Variants in ICE2 observed in about 807,000 individuals in gnomAD.
The protein encoded by ICE2 is little elongation complex subunit 2.
ICE2 carries 87 observed loss-of-function variants against 105.4 expected under a neutral mutation model. The ratio of observed to expected loss-of-function variants is 0.83; its 90% CI spans 0.69 to 0.99. ICE2 has a LOEUF of 0.99. Among genes scored for constraint, ICE2 ranks in the 50% least tolerant of loss-of-function variants. ICE2 has a pLI of 0.00. For synonymous variants in ICE2, 399 were observed against 392.0 expected, an observed-to-expected ratio of 1.02 and a Z score of -0.21; for missense variants, 1,323 against 1,146.7, an observed-to-expected ratio of 1.15 and a Z score of -2.22.
intron 5 of ICE2, among the ~76,000 whole-genome samples, chr15:60,466,100 T>C (rs2064420152): frequency 6.6e-6 from 1 of 152,108 alleles, no homozygotes; most frequent in Non-Finnish European, 1.5e-5. Flanking sequence ...TGAATGATGG[T>C]AGGGTACAAG....
In ICE2 at chr15:60,466,601, AAG is replaced by A. The variant is rs1356098442; in HGVS notation, c.519_520del (p.Phe174HisfsTer10). 1 of 1,610,604 alleles carries A rather than the reference AAG, an allele frequency of 6.2e-7. No individual in the cohort carries two copies. Among genetic ancestry groups the A allele is most frequent in the Admixed American group, 1.7e-5 (1 of 59,534 alleles). On this transcript the variant is annotated frameshift_variant, in exon 5 of 16. Coordinates refer to ENST00000261520, the MANE Select transcript of ICE2 (RefSeq NM_024611.6). LOFTEE classifies it high-confidence loss of function. ...TGTGAGTTGTTTTTTTACCTCTGTG[AAG>A]AGACGGGCATCATCAGAAAGCATAT...
rs2063324689 is a variant in ICE2, at chr15:60,425,627, A to T, written c.2821-1865T>A. Reference sequence around the variant, plus strand: ...ATCTCTCAGGGTTAGTACCAAAGGCACTATACAAGGATGAGATCAGAGTTC... The same window carrying T: ...ATCTCTCAGGGTTAGTACCAAAGGCTCTATACAAGGATGAGATCAGAGTTC... On this transcript the variant is annotated intron_variant, in intron 15 of 15. Coordinates refer to ENST00000261520, the MANE Select transcript of ICE2 (RefSeq NM_024611.6). 2.0e-5 allele frequency among the ~76,000 whole-genome samples: 3 copies of T among 152,218 alleles called. No homozygotes were observed. In the South Asian group the frequency reaches 6.2e-4, roughly 32 times the overall value.
At position 60,468,220 on chromosome 15, in the gene ICE2, T is replaced by G; in HGVS notation, c.249A>C (p.Gly83=). ...CTCTTGGTTTTGGAAGAAGAACCAT[T>G]CCAATTGTGGTTTTAACTTTTTCCT... ...QAKEKVKTTI[G]MVLLPKPRVP... Residue 83 remains glycine (G), a synonymous_variant, in exon 4 of 16, where the codon GGA becomes GGC. Coordinates refer to ENST00000261520, the MANE Select transcript of ICE2 (RefSeq NM_024611.6). 3 of 1,614,038 alleles carry G rather than the reference T, an allele frequency of 1.9e-6. No individual in the cohort carries two copies. Among genetic ancestry groups the G allele is most frequent in the Non-Finnish European group, 2.5e-6 (3 of 1,179,950 alleles).
In ICE2 at chr15:60,450,144, G is replaced by C. The variant is rs759779729; in HGVS notation, c.1126-303C>G. Among the ~76,000 whole-genome samples, 5 of 152,090 alleles carry C rather than the reference G, an allele frequency of 3.3e-5. 1 individual carries two copies. Among genetic ancestry groups the C allele is most frequent in the Admixed American group, 6.5e-5 (1 of 15,268 alleles). On this transcript the variant is annotated intron_variant, in intron 9 of 15. Transcript: ENST00000261520. ...TTTCAACGAATCAAAAAATAGACAAGACCACAAAGAAGAAATGTAGGGCCA... is the reference window on the plus strand; with the variant it reads ...TTTCAACGAATCAAAAAATAGACAACACCACAAAGAAGAAATGTAGGGCCA...
intron 4 of ICE2, among the ~76,000 whole-genome samples, 186 bp downstream of exon 4, chr15:60,467,875 T>G (rs1005332799): frequency 8.5e-5 from 13 of 152,192 alleles, no homozygotes; most frequent in African/African-American, 3.1e-4. Flanking sequence ...TGCTCAGAAG[T>G]AGAGCAAAAT....
chr15:60,419,836 T>C lies in ICE2; in HGVS notation c.*3798A>G, dbSNP rs2063224957. On this transcript the variant is annotated 3_prime_UTR_variant, in exon 16 of 16. Coordinates refer to ENST00000261520, the MANE Select transcript of ICE2 (RefSeq NM_024611.6). ...CAGTATGCTAATGAAAAGTTAAAGT[T>C]TTCTTTCCTCTCCCTCCCCTAAACC... 6.6e-6 allele frequency: 1 copy of C among 152,236 alleles called. No homozygotes were observed. Among genetic ancestry groups the C allele is most frequent in the South Asian group, 2.1e-4 (1 of 4,830 alleles). The allele number at this position is 152,236 out of a possible 1,614,324, so 9.4% of individuals were successfully genotyped here.
intron 12 of ICE2, chr15:60,441,148 T>A (rs765130497): frequency 5.9e-5 from 9 of 152,036 alleles, no homozygotes; most frequent in Non-Finnish European, 1.0e-4. Flanking sequence ...TAGCTAATGT[T>A]GAGATTGTTG....
chr15:60,472,324 T>A (rs1020639538), intron 3 of ICE2, among the ~76,000 whole-genome samples: 2 of 152,166 alleles, frequency 1.3e-5, no homozygotes, highest in Admixed American at 6.5e-5. Context: ...TAAAAGGCCT[T>A]GTTTTTCAAC....
chr15:60,431,956 G>T lies in ICE2; in HGVS notation c.2539C>A (p.His847Asn). Residue 847 changes from histidine (H) to asparagine (N), a missense_variant, in exon 14 of 16, where the codon CAC becomes AAC. Coordinates refer to ENST00000261520, the MANE Select transcript of ICE2 (RefSeq NM_024611.6). ...TACCTACTTAGTTTCTTTAGAATGT[G>T]TTGGAGGATGTTAAATAAATTGGAA... ...KISNLFNILQ[H>N]ILKKLSSLQE... is the part of the protein sequence containing the mutation. The T allele has an allele frequency of 7.1e-7, 1 of 1,406,350 alleles. No homozygotes were observed. The highest frequency in any genetic ancestry group is 1.4e-5 in the African/African-American group (1 of 71,644). 87.1% of individuals were successfully genotyped at this position (1,406,350 alleles called of 1,614,324 possible).
chr15:60,425,789 T>C (rs1012338773), intron 15 of ICE2, among the ~76,000 whole-genome samples: 2 of 152,190 alleles, frequency 1.3e-5, no homozygotes, highest in South Asian at 2.1e-4. Context: ...CATCTTACCA[T>C]TGCTGCTAAA....
At chr15:60,448,753 A>T in intron 10 of ICE2, 95 bp downstream of exon 10, 1 of 1,078,264 alleles carries the variant, frequency 9.3e-7, no homozygotes, top group Non-Finnish European at 1.3e-6. Flanking sequence ...TGACAATTAC[A>T]AAACAGGTTA....
At chr15:60,429,176 A>C (rs2063401842) in intron 14 of ICE2, among the ~76,000 whole-genome samples, 1 of 152,252 alleles carries the variant, frequency 6.6e-6, no homozygotes. Flanking sequence ...ATCACAGTAC[A>C]ACATGAGGTG....
At chr15:60,445,749 A>G (rs1403487207) in intron 11 of ICE2, 1 of 985,240 alleles carries the variant, frequency 1.0e-6, no homozygotes. Context: ...GGCTATTCTT[A>G]CTTAAGAGAT....
At position 60,449,228 on chromosome 15, in the gene ICE2, A is replaced by G; in HGVS notation, c.1739T>C (p.Ile580Thr). 1.9e-6 allele frequency: 3 copies of G among 1,613,976 alleles called. No individual in the cohort carries two copies. The highest frequency in any genetic ancestry group is 1.3e-5 in the African/African-American group (1 of 75,036). ...ACTATTATTTTTACATTCTGTATCA[A>G]TGATTAAACACTCCTCATCTGTATC... ...SSDTDEECLIIDTECKNNSDG... is the reference protein window; with the variant it reads ...SSDTDEECLITDTECKNNSDG... The change falls in exon 10 of 16, where the codon ATT becomes ACT. Residue 580 changes from isoleucine to threonine, a missense_variant. Transcript: ENST00000261520.
At chr15:60,444,724 G>A (rs757593652) in intron 11 of ICE2, among the ~76,000 whole-genome samples, 1 of 151,898 alleles carries the variant, frequency 6.6e-6, no homozygotes, top group Non-Finnish European at 1.5e-5. Context: ...CACTCTTGTT[G>A]TCTAGGCTGG....
chr15:60,472,942 A>G (rs2064646926), intron 3 of ICE2, among the ~76,000 whole-genome samples: 1 of 151,974 alleles, frequency 6.6e-6, no homozygotes, highest in Non-Finnish European at 1.5e-5. Context: ...TTTTTTTTTA[A>G]TTTGAGATAA....
At chr15:60,442,376 G>C in intron 12 of ICE2, 40 bp downstream of exon 12, 3 of 1,540,186 alleles carry the variant, frequency 1.9e-6, no homozygotes, top group Non-Finnish European at 2.6e-6. Context: ...GTAATTACAA[G>C]AAAATTAAAA....
intron 15 of ICE2, among the ~76,000 whole-genome samples, chr15:60,425,023 T>C (rs1179499520): frequency 2.0e-5 from 3 of 152,172 alleles, no homozygotes; most frequent in African/African-American, 7.2e-5. Context: ...ATTTCAGGCC[T>C]GGGACTGAAG....
chr15:60,466,786 C>T lies in ICE2; in HGVS notation c.409-73G>A, dbSNP rs1386761322. On this transcript the variant is annotated intron_variant, in intron 4 of 15. Transcript: ENST00000261520. ...AAAAGAATCACATTCTTAATCATTG[C>T]TATAATAATTTGGACTTAAAGAATA... 3.2e-6 allele frequency: 4 copies of T among 1,239,690 alleles called. No individual in the cohort carries two copies. In the Admixed American group the frequency reaches 6.8e-5, roughly 21 times the overall value. 76.8% of individuals were successfully genotyped at this position (1,239,690 alleles called of 1,614,324 possible). A position where few individuals can be genotyped will look rare whatever the true frequency, so the allele number is the denominator to read the frequency against.
Sources: allele counts gnomAD v4.1 joint callset (sites outside exome capture counted in the v4.1 genomes callset), GRCh38; gene constraint gnomAD v4.1.1; transcripts MANE v1.5; gene names NCBI Gene and HGNC (gene_info 2026-07-23, HGNC 2026-07-21).